Variants in DNAH11 observed in about 807,000 individuals in gnomAD.
DNAH11 encodes axonemal beta dynein heavy chain 11.
In DNAH11, 442 loss-of-function variants were observed where a neutral mutation model predicts 526.0. The observed-to-expected ratio is 0.84, with a 90% CI of 0.78 to 0.91. The LOEUF (loss-of-function observed/expected upper bound fraction) is 0.91. DNAH11 is among the 40% of genes least tolerant of loss of function. The pLI is 0.00. For synonymous variants in DNAH11, 2,461 were observed against 1,935.9 expected (o/e 1.27, Z -7.12); for missense variants, 6,989 against 5,448.7 (o/e 1.28, Z -8.90).
At chr7:21,549,105 C>T (rs971144315) in intron 2 of DNAH11, among the ~76,000 whole-genome samples, 1 of 152,266 alleles carries the variant, frequency 6.6e-6, no homozygotes, top group Non-Finnish European at 1.5e-5. Flanking sequence ...TCTCGAACTC[C>T]TGACCTCAGG....
chr7:21,584,987 C>T (rs909349438), intron 9 of DNAH11, among the ~76,000 whole-genome samples: 5 of 144,192 alleles, frequency 3.5e-5, no homozygotes, highest in African/African-American at 1.5e-4. Flanking sequence ...ACAGAGGCTC[C>T]TGCCATTTTC....
At chr7:21,643,330 G>A (rs1056206034) in intron 28 of DNAH11, among the ~76,000 whole-genome samples, 3 of 152,144 alleles carry the variant, frequency 2.0e-5, no homozygotes, top group South Asian at 2.1e-4. Context: ...CAATCAAGGT[G>A]TTTTTAACCA....
At chr7:21,586,001 C>G (rs867259201) in intron 9 of DNAH11, among the ~76,000 whole-genome samples, 25 of 152,266 alleles carry the variant, frequency 1.6e-4, no homozygotes, top group Middle Eastern at 6.8e-3. Flanking sequence ...GTTGAAATGA[C>G]CTTTACTCTC....
intron 79 of DNAH11, among the ~76,000 whole-genome samples, chr7:21,896,732 A>T (rs761815785): frequency 6.6e-6 from 1 of 152,044 alleles, no homozygotes; most frequent in Non-Finnish European, 1.5e-5. Context: ...GATCTTCATT[A>T]TATCTTCAAC....
intron 2 of DNAH11, among the ~76,000 whole-genome samples, chr7:21,549,005 C>T (rs996420031): frequency 1.3e-5 from 2 of 152,086 alleles, no homozygotes; most frequent in African/African-American, 4.8e-5. Flanking sequence ...CCTCAGCCTC[C>T]TGGGTAGCTG....
chr7:21,689,467 A>T (rs535900315), intron 34 of DNAH11, among the ~76,000 whole-genome samples: 5 of 152,310 alleles, frequency 3.3e-5, no homozygotes, highest in Admixed American at 2.0e-4. Context: ...GATTTAAGAG[A>T]TGGGACCATG....
intron 45 of DNAH11, among the ~76,000 whole-genome samples, chr7:21,732,192 G>C (rs7801283): frequency 7.9e-5 from 12 of 152,008 alleles, no homozygotes; most frequent in African/African-American, 2.9e-4. Flanking sequence ...AGCAGTCCAA[G>C]TTCAAGGTGT....
chr7:21,634,769 A>G (rs922105377), intron 25 of DNAH11, among the ~76,000 whole-genome samples: 2 of 151,976 alleles, frequency 1.3e-5, no homozygotes, highest in Non-Finnish European at 2.9e-5. Flanking sequence ...ATAACATGCA[A>G]TTTACCTATG....
chr7:21,565,010 A>G (rs1783605525), intron 6 of DNAH11, among the ~76,000 whole-genome samples: 1 of 152,214 alleles, frequency 6.6e-6, no homozygotes, highest in Non-Finnish European at 1.5e-5. Context: ...ATAATTTGAG[A>G]GGTAAAAGAT....
chr7:21,678,696 G>T (rs1236301984), intron 30 of DNAH11, among the ~76,000 whole-genome samples: 5 of 152,120 alleles, frequency 3.3e-5, no homozygotes, highest in East Asian at 1.9e-4. Flanking sequence ...AAGGGCATAG[G>T]ATCATTCCAT....
At chr7:21,865,964 CA>C (rs575497376) in intron 70 of DNAH11, among the ~76,000 whole-genome samples, 1 of 152,302 alleles carries the variant, frequency 6.6e-6, no homozygotes, top group South Asian at 2.1e-4. Context: ...GCAGTGAGGA[CA>C]ACCAGAGGTC....
chr7:21,720,931 T>C, intron 44 of DNAH11, 75 bp downstream of exon 44: 1 of 1,540,214 alleles, frequency 6.5e-7, no homozygotes, highest in Non-Finnish European at 8.8e-7. Flanking sequence ...TTAAAACATG[T>C]GATCTGTACC....
intron 25 of DNAH11, among the ~76,000 whole-genome samples, chr7:21,621,517 C>T (rs1410930408): frequency 1.3e-5 from 2 of 151,728 alleles, no homozygotes; most frequent in Non-Finnish European, 2.9e-5. Context: ...GAGACACAAC[C>T]AAAAAAGAGA....
intron 45 of DNAH11, among the ~76,000 whole-genome samples, chr7:21,726,801 C>T (rs1443693550): frequency 4.0e-5 from 4 of 101,094 alleles, no homozygotes; most frequent in Admixed American, 1.5e-4. Flanking sequence ...GCGGAGGTCG[C>T]GGTGAGCCGA....
Position 21,601,496 on chromosome 7 carries a change from C to A in DNAH11, c.3526C>A (p.Leu1176Ile). The stretch of plus-strand genomic sequence containing the variant: ...TGGTTTAGTTGACATCATGGTGCAT[C>A]TTCTGGCTGTAAGAAGCCGACAGAG... ...HDGLVDIMVH[L>I]LAVRSRQRAT... Residue 1176 changes from leucine (L) to isoleucine (I), a missense_variant, in exon 18 of 82, where the codon CTT becomes ATT. Physicochemically the swap from Leu to Ile is conservative, Grantham distance 5. Transcript: ENST00000409508. 1.2e-6 allele frequency: 2 copies of A among 1,613,768 alleles called. No individual in the cohort carries two copies. The highest frequency in any genetic ancestry group is 8.5e-7 in the Non-Finnish European group (1 of 1,179,806).
At chr7:21,720,957 A>T in intron 44 of DNAH11, 101 bp downstream of exon 44, 1 of 1,406,098 alleles carries the variant, frequency 7.1e-7, no homozygotes, top group Non-Finnish European at 9.5e-7. Context: ...GTTATGTTAT[A>T]GATCTATACT....
chr7:21,794,218 C>T (rs1016976783), intron 61 of DNAH11, among the ~76,000 whole-genome samples: 1 of 152,098 alleles, frequency 6.6e-6, no homozygotes, highest in Non-Finnish European at 1.5e-5. Flanking sequence ...TCTGAGAGCT[C>T]CCACATCATC....
chr7:21,698,832 A>G (rs150951481), intron 36 of DNAH11, among the ~76,000 whole-genome samples: 2 of 152,338 alleles, frequency 1.3e-5, no homozygotes, highest in East Asian at 3.9e-4. Context: ...GCAGATACCC[A>G]GTAGTGGGAT....
At chr7:21,613,934 A>T (rs1583529554) in intron 20 of DNAH11, among the ~76,000 whole-genome samples, 1 of 142,840 alleles carries the variant, frequency 7.0e-6, no homozygotes, top group African/African-American at 2.6e-5. Flanking sequence ...TGCCCAGCTA[A>T]TTTTTTTTTT....
Sources: allele counts gnomAD v4.1 joint callset (sites outside exome capture counted in the v4.1 genomes callset), GRCh38; gene constraint gnomAD v4.1.1; transcripts MANE v1.5; gene names NCBI Gene and HGNC (gene_info 2026-07-23, HGNC 2026-07-21).